ULK4: variants seen among roughly 807,000 people sequenced by gnomAD.
ULK4 encodes unc-51 like kinase 4, also known as inactive serine/threonine-protein kinase ULK4.
ULK4 carries 133 observed loss-of-function variants against 160.6 expected under a neutral mutation model. The ratio of observed to expected loss-of-function variants is 0.83; its 90% CI spans 0.72 to 0.96. ULK4 has a LOEUF of 0.96. Among genes scored for constraint, ULK4 ranks in the 40% least tolerant of loss-of-function variants. The probability of loss-of-function intolerance (pLI) is 0.00; values close to 1 mark genes in which losing one functional copy is unlikely to be tolerated. For synonymous variants in ULK4, 534 were observed against 539.8 expected (o/e 0.99, Z 0.15); for missense variants, 1,580 against 1,499.5 (o/e 1.05, Z -0.89).
At chr3:41,915,703 G>A (rs1698943678) in intron 8 of ULK4, among the ~76,000 whole-genome samples, 1 of 152,170 alleles carries the variant, frequency 6.6e-6, no homozygotes, top group African/African-American at 2.4e-5. Flanking sequence ...AAGAAAATTT[G>A]TCAACTACTT....
chr3:41,751,113 G>A (rs2038613687), intron 22 of ULK4, among the ~76,000 whole-genome samples: 1 of 152,130 alleles, frequency 6.6e-6, no homozygotes, highest in South Asian at 2.1e-4. Context: ...AATGGGCTGG[G>A]ACAAATCTCT....
At chr3:41,425,920 C>T (rs149185686) in intron 34 of ULK4, among the ~76,000 whole-genome samples, 1,634 of 152,296 alleles carry the variant, frequency 0.011, 22 homozygotes, top group African/African-American at 0.037. Flanking sequence ...ATCAAATTCA[C>T]ACATAACAAT....
At chr3:41,909,563 A>C (rs954671061) in intron 11 of ULK4, among the ~76,000 whole-genome samples, 3 of 151,780 alleles carry the variant, frequency 2.0e-5, no homozygotes, top group East Asian at 3.9e-4. Context: ...ATACAAAAAA[A>C]AATTAGCCAA....
At chr3:41,546,887 T>C (rs183096276) in intron 32 of ULK4, among the ~76,000 whole-genome samples, 38 of 152,262 alleles carry the variant, frequency 2.5e-4, no homozygotes, top group Non-Finnish European at 3.7e-4. Flanking sequence ...CCTGCTCTTC[T>C]GGCCTCTGCT....
chr3:41,705,789 A>G lies in ULK4; in HGVS notation c.2635-484T>C, dbSNP rs116073702. ...TTTTTAAATATACAAATCACTATCA[A>G]TGAGATTTAATGTTGGAATAAAGTC... On this transcript the variant is annotated intron_variant, in intron 25 of 36. Transcript: ENST00000301831. Among the ~76,000 whole-genome samples, 1,220 of 152,256 alleles carry G rather than the reference A, an allele frequency of 8.0e-3. 16 individuals are homozygous for G. Among genetic ancestry groups the G allele is most frequent in the African/African-American group, 0.028 (1,174 of 41,540 alleles).
chr3:41,317,050 G>T, intron 35 of ULK4, among the ~76,000 whole-genome samples: 1 of 146,120 alleles, frequency 6.8e-6, no homozygotes, highest in Admixed American at 6.8e-5. Flanking sequence ...ATGTAAAATA[G>T]GCAATTACAT....
At chr3:41,552,774 C>A (rs969938599) in intron 32 of ULK4, among the ~76,000 whole-genome samples, 1 of 151,494 alleles carries the variant, frequency 6.6e-6, no homozygotes, top group African/African-American at 2.4e-5. Flanking sequence ...CCAAAAAGAG[C>A]CCAAATAGCC....
intron 34 of ULK4, among the ~76,000 whole-genome samples, chr3:41,441,849 T>G (rs778785099): frequency 2.0e-5 from 3 of 152,206 alleles, no homozygotes; most frequent in Admixed American, 6.5e-5. Flanking sequence ...TAATAGTTGT[T>G]TTGCTTCATG....
At chr3:41,931,697 C>T in intron 5 of ULK4, 147 bp downstream of exon 5, 1 of 996,592 alleles carries the variant, frequency 1.0e-6, no homozygotes, top group Non-Finnish European at 1.5e-6. Context: ...AAAGCCATTC[C>T]TATGCCCAGA....
intron 30 of ULK4, among the ~76,000 whole-genome samples, chr3:41,642,957 T>C (rs1340949321): frequency 1.3e-5 from 2 of 152,238 alleles, no homozygotes; most frequent in African/African-American, 4.8e-5. Context: ...ATGAGCATTT[T>C]TTCATGTGTC....
At chr3:41,439,637 T>C (rs578156686) in intron 34 of ULK4, among the ~76,000 whole-genome samples, 9 of 152,332 alleles carry the variant, frequency 5.9e-5, no homozygotes, top group African/African-American at 1.9e-4. Context: ...AGTAGCTTCA[T>C]AGTAAGTCTT....
At chr3:41,423,161 C>G (rs1467008706) in intron 34 of ULK4, among the ~76,000 whole-genome samples, 8 of 152,106 alleles carry the variant, frequency 5.3e-5, no homozygotes, top group Non-Finnish European at 1.5e-5. Flanking sequence ...GAGATAAGTG[C>G]TTTGACAGTA....
chr3:41,890,662 G>A (rs933060549), intron 16 of ULK4, among the ~76,000 whole-genome samples: 1 of 145,822 alleles, frequency 6.9e-6, no homozygotes. Context: ...CTGGGCGACA[G>A]AGCAAGACTC....
At chr3:41,493,436 G>C (rs2084868039) in intron 32 of ULK4, among the ~76,000 whole-genome samples, 1 of 132,756 alleles carries the variant, frequency 7.5e-6, no homozygotes, top group Non-Finnish European at 1.7e-5. Flanking sequence ...GCAGTGTGTA[G>C]AGGGAAATTT....
intron 25 of ULK4, among the ~76,000 whole-genome samples, chr3:41,705,627 T>A (rs915549539): frequency 6.6e-6 from 1 of 151,962 alleles, no homozygotes; most frequent in African/African-American, 2.4e-5. Context: ...CTCCTGAGTA[T>A]CTGGGATTAC....
At chr3:41,619,344 A>C in intron 30 of ULK4, among the ~76,000 whole-genome samples, 1 of 152,214 alleles carries the variant, frequency 6.6e-6, no homozygotes, top group South Asian at 2.1e-4. Context: ...GCCACATAGC[A>C]TGTATTTTAA....
intron 35 of ULK4, among the ~76,000 whole-genome samples, chr3:41,378,938 A>G (rs2125792432): frequency 6.6e-6 from 1 of 152,292 alleles, no homozygotes; most frequent in Admixed American, 6.5e-5. Context: ...CATCATTCTC[A>G]GCAAACTAAC....
At chr3:41,824,396 C>A (rs193077535) in intron 18 of ULK4, among the ~76,000 whole-genome samples, 44 of 152,176 alleles carry the variant, frequency 2.9e-4, no homozygotes, top group African/African-American at 8.7e-4. Flanking sequence ...CGCAAGGGGT[C>A]AGTGAATTCC....
intron 12 of ULK4, among the ~76,000 whole-genome samples, chr3:41,906,535 A>G (rs1379488508): frequency 2.0e-5 from 3 of 152,118 alleles, no homozygotes; most frequent in Non-Finnish European, 4.4e-5. Context: ...ACTCAAAAAC[A>G]AAAAGTTAAA....
Sources: allele counts gnomAD v4.1 joint callset (sites outside exome capture counted in the v4.1 genomes callset), GRCh38; gene constraint gnomAD v4.1.1; transcripts MANE v1.5; gene names NCBI Gene and HGNC (gene_info 2026-07-23, HGNC 2026-07-21).